Variants in SNX27 observed in about 807,000 individuals in gnomAD.
SNX27 encodes the protein sorting nexin-27.
A neutral mutation model predicts 71.6 loss-of-function variants in SNX27; 22 were observed. That is an observed-to-expected ratio of 0.31 (90% confidence interval 0.22 to 0.44). SNX27 has a LOEUF of 0.44. Ranked by LOEUF, SNX27 falls within the 20% of genes least tolerant of loss-of-function variation. The pLI is 1.00. For synonymous variants in SNX27, 269 were observed against 277.2 expected, an observed-to-expected ratio of 0.97 and a Z score of 0.29; for missense variants, 531 against 698.6, an observed-to-expected ratio of 0.76 and a Z score of 2.70.
intron 2 of SNX27, among the ~76,000 whole-genome samples, chr1:151,653,882 G>T (rs1669554255): frequency 1.3e-5 from 2 of 149,032 alleles, no homozygotes; most frequent in East Asian, 4.0e-4. Flanking sequence ...CACCAGGCTG[G>T]AGTGCAGTGG....
intron 11 of SNX27, 113 bp downstream of exon 11, chr1:151,693,596 T>A: frequency 6.2e-7 from 1 of 1,614,112 alleles, no homozygotes. Context: ...TTTCTAGGAA[T>A]ATTAGTTAGA....
intron 4 of SNX27, among the ~76,000 whole-genome samples, chr1:151,661,956 G>A (rs1333895842): frequency 6.6e-6 from 1 of 152,168 alleles, no homozygotes; most frequent in Non-Finnish European, 1.5e-5. Context: ...GCTTCAACAT[G>A]TTTCTTTCCT....
At chr1:151,617,263 TTTTATTTATTTA>T (rs71090200) in intron 1 of SNX27, among the ~76,000 whole-genome samples, 2 of 151,120 alleles carry the variant, frequency 1.3e-5, no homozygotes, top group African/African-American at 2.4e-5. Flanking sequence ...TAGTTTGTAG[TTTTATTTATTTA>T]TTTATTTATT....
chr1:151,656,422 A>G (rs916187483), intron 2 of SNX27, among the ~76,000 whole-genome samples: 4 of 152,244 alleles, frequency 2.6e-5, no homozygotes, highest in African/African-American at 9.6e-5. Flanking sequence ...GTCAATAAGT[A>G]TATGAAGAGA....
At chr1:151,662,490 CT>C (rs967596771) in intron 5 of SNX27, 461 of 281,212 alleles carry the variant, frequency 1.6e-3, no homozygotes, top group South Asian at 2.8e-3. Context: ...TTAACGCCTC[CT>C]TTTTTTTTGG....
At chr1:151,621,740 A>T (rs1667686462) in intron 1 of SNX27, among the ~76,000 whole-genome samples, 1 of 152,174 alleles carries the variant, frequency 6.6e-6, no homozygotes, top group African/African-American at 2.4e-5. Flanking sequence ...TTTTATTTAT[A>T]TTTATTTATT....
intron 2 of SNX27, among the ~76,000 whole-genome samples, chr1:151,642,185 G>A (rs753836246): frequency 6.6e-6 from 1 of 151,730 alleles, no homozygotes; most frequent in Non-Finnish European, 1.5e-5. Flanking sequence ...TCAGGAGCTC[G>A]AGACCAGGCT....
rs1671688837 is a variant in SNX27, at chr1:151,696,102, T to A, written c.*1685T>A. The A allele has an allele frequency of 3.3e-5, 5 of 152,236 alleles. No individual in the cohort carries two copies. 9.4% of individuals were successfully genotyped at this position (152,236 alleles called of 1,614,324 possible). On this transcript the variant is annotated 3_prime_UTR_variant, in exon 12 of 12. Coordinates refer to ENST00000458013, the MANE Select transcript of SNX27 (RefSeq NM_001330723.2). ...GGAGACTGAACGAAAACCTTTCTGC[T>A]TTCTGTCCGTTAAAGAGCTCCTCAT...
chr1:151,639,911 A>G (rs74125849), intron 2 of SNX27, among the ~76,000 whole-genome samples: 4,164 of 152,320 alleles, frequency 0.027, 203 homozygotes, highest in African/African-American at 0.095. Flanking sequence ...TTAGTAGAAA[A>G]TGCAGTGGGT....
At chr1:151,627,082 A>G (rs956756572) in intron 1 of SNX27, among the ~76,000 whole-genome samples, 2 of 152,196 alleles carry the variant, frequency 1.3e-5, no homozygotes, top group African/African-American at 4.8e-5. Flanking sequence ...GTGTGTGTAT[A>G]TTAACTCTTG....
Position 151,612,205 on chromosome 1 carries a change from G to A in SNX27, c.4G>A (p.Ala2Thr). The change falls in exon 1 of 12, where the codon GCG becomes ACG. Residue 2 changes from alanine to threonine, a missense_variant. This residue lies in a region of SNX27 where 130 missense variants were observed against 143.5 expected (regional missense o/e 0.91). Coordinates refer to ENST00000458013, the MANE Select transcript of SNX27 (RefSeq NM_001330723.2). This position sits in a 1 kb window ranked among gnomAD's most constrained non-coding sequence, Gnocchi z 5.2. ...GTACGGCTCGCCTGCTCGCAAGATG[G>A]CGGACGAGGACGGGGAAGGGATTCA... M[A>T]DEDGEGIHPS... is the part of the protein sequence containing the mutation. 1.5e-6 allele frequency: 2 copies of A among 1,347,616 alleles called. No individual in the cohort carries two copies. The highest frequency in any genetic ancestry group is 1.9e-6 in the Non-Finnish European group (2 of 1,047,294). The allele number at this position is 1,347,616 out of a possible 1,614,324, so 83.5% of individuals were successfully genotyped here. A position where few individuals can be genotyped will look rare whatever the true frequency, so the allele number is the denominator to read the frequency against.
At chr1:151,654,629 A>G (rs1487712113) in intron 2 of SNX27, among the ~76,000 whole-genome samples, 1 of 152,140 alleles carries the variant, frequency 6.6e-6, no homozygotes, top group Non-Finnish European at 1.5e-5. Flanking sequence ...ATTGTAGGTC[A>G]TTTATAAAGA....
intron 2 of SNX27, among the ~76,000 whole-genome samples, chr1:151,658,031 A>G (rs1446233144): frequency 6.6e-6 from 1 of 152,052 alleles, no homozygotes; most frequent in Admixed American, 6.6e-5. Flanking sequence ...AAACAAGATC[A>G]TGCTCCTTTG....
chr1:151,668,651 T>A lies in SNX27; in HGVS notation c.1149+16T>A. 1 of 1,605,264 alleles carries A rather than the reference T, an allele frequency of 6.2e-7. No individual in the cohort carries two copies. Among genetic ancestry groups the A allele is most frequent in the Non-Finnish European group, 8.5e-7 (1 of 1,176,706 alleles). On this transcript the variant is annotated intron_variant, in intron 7 of 11. Transcript: ENST00000458013. ...CTTTCATCAGGTAGGTGAATTGATC[T>A]TCTTGAAAGGCACAATTTCTTTTTA...
At chr1:151,681,655 T>C (rs939916038) in intron 7 of SNX27, among the ~76,000 whole-genome samples, 1 of 152,204 alleles carries the variant, frequency 6.6e-6, no homozygotes, top group Admixed American at 6.5e-5. Flanking sequence ...TATTTCATTC[T>C]CTCTTCAGGT....
At chr1:151,687,225 GATAA>G (rs531726965) in intron 8 of SNX27, among the ~76,000 whole-genome samples, 139 of 152,234 alleles carry the variant, frequency 9.1e-4, no homozygotes, top group African/African-American at 3.0e-3. Context: ...TTGTTGAACA[GATAA>G]ATAAAGAGCT....
chr1:151,655,193 T>A (rs1474886777), intron 2 of SNX27, among the ~76,000 whole-genome samples: 2 of 152,102 alleles, frequency 1.3e-5, no homozygotes, highest in Non-Finnish European at 2.9e-5. Flanking sequence ...TCTTTTTGAG[T>A]AGTTTAGAGT....
chr1:151,629,586 A>ATT (rs1462300662), intron 1 of SNX27, among the ~76,000 whole-genome samples: 9 of 138,548 alleles, frequency 6.5e-5, no homozygotes, highest in African/African-American at 8.0e-5. Flanking sequence ...TATATATATA[A>ATT]TTTTTTTTTT....
intron 1 of SNX27, among the ~76,000 whole-genome samples, chr1:151,620,921 A>G (rs937265724): frequency 5.9e-5 from 9 of 152,136 alleles, no homozygotes; most frequent in African/African-American, 2.2e-4. Context: ...TGAACTCATG[A>G]CCTCGTAGTC....
Sources: gnomAD v4.1 joint callset for allele counts (sites outside exome capture counted in the v4.1 genomes callset) on GRCh38, gnomAD v4.1.1 for gene constraint, gnomAD v4.1.1 regional missense constraint, Gnocchi (gnomAD v3.1) non-coding constraint, MANE v1.5 for transcripts, NCBI Gene and HGNC (gene_info 2026-07-23, HGNC 2026-07-21) for gene names.